Variants in FOXN3 observed in about 807,000 individuals in gnomAD.
The protein encoded by FOXN3 is forkhead box protein N3.
FOXN3 carries 7 observed loss-of-function variants against 38.4 expected under a neutral mutation model. That is an observed-to-expected ratio of 0.18 (90% CI 0.10 to 0.34). The LOEUF is 0.34. FOXN3 is among the 10% of genes least tolerant of loss of function. The probability of loss-of-function intolerance (pLI) is 1.00; values close to 1 mark genes in which losing one functional copy is unlikely to be tolerated. For missense variants in FOXN3, 456 were observed against 613.4 expected, an observed-to-expected ratio of 0.74 and a Z score of 2.71; for synonymous variants, 230 against 242.2, an observed-to-expected ratio of 0.95 and a Z score of 0.47.
intron 1 of FOXN3, among the ~76,000 whole-genome samples, chr14:89,528,785 T>C (rs1894492041): frequency 1.3e-5 from 2 of 152,132 alleles, no homozygotes; most frequent in Admixed American, 1.3e-4. Flanking sequence ...GATTCTATTA[T>C]ATAAAATTCT....
rs181464959 is a variant in FOXN3, at chr14:89,539,093, C to T, written c.-15+79935G>A. Among the ~76,000 whole-genome samples the T allele has an allele frequency of 5.1e-3, 769 of 152,250 alleles. 7 individuals are homozygous for T. The highest frequency in any genetic ancestry group is 0.044 in the Middle Eastern group (13 of 294). Reference sequence around the variant, plus strand: ...TCCTGACCTCATGATCCACCTGCCTCGGCCTCCCAAAGTGCTGGGATTACA... The same window carrying T: ...TCCTGACCTCATGATCCACCTGCCTTGGCCTCCCAAAGTGCTGGGATTACA... On this transcript the variant is annotated intron_variant, in intron 1 of 6. Transcript: ENST00000345097.
At chr14:89,207,626 T>C (rs181048677) in intron 4 of FOXN3, among the ~76,000 whole-genome samples, 2 of 152,172 alleles carry the variant, frequency 1.3e-5, no homozygotes, top group Admixed American at 1.3e-4. Context: ...GACTGCTGGG[T>C]GAAAAGTATA....
chr14:89,563,424 TGG>T (rs1432467699), intron 1 of FOXN3, among the ~76,000 whole-genome samples: 1 of 152,236 alleles, frequency 6.6e-6, no homozygotes, highest in East Asian at 1.9e-4. Context: ...AGATCCATGA[TGG>T]AAGACAGGTC....
intron 4 of FOXN3, among the ~76,000 whole-genome samples, chr14:89,225,409 C>T (rs1884605094): frequency 6.6e-6 from 1 of 151,782 alleles, no homozygotes. Flanking sequence ...TCGAGACCAT[C>T]CTGGCTGACA....
chr14:89,572,833 G>A (rs1272449533), intron 1 of FOXN3, among the ~76,000 whole-genome samples: 1 of 152,228 alleles, frequency 6.6e-6, no homozygotes, highest in African/African-American at 2.4e-5. Flanking sequence ...GGGAAGAAGG[G>A]GGAGCTGAAA....
At chr14:89,235,592 A>G (rs887790301) in intron 4 of FOXN3, among the ~76,000 whole-genome samples, 1 of 152,168 alleles carries the variant, frequency 6.6e-6, no homozygotes, top group African/African-American at 2.4e-5. Flanking sequence ...ACATGTGACT[A>G]TGTTAGATTT....
At chr14:89,492,249 C>G (rs1033314397) in intron 1 of FOXN3, among the ~76,000 whole-genome samples, 2 of 152,178 alleles carry the variant, frequency 1.3e-5, no homozygotes, top group Non-Finnish European at 2.9e-5. Context: ...GGGCCAAGCA[C>G]ACGTGGGATC....
upstream of FOXN3, among the ~76,000 whole-genome samples, chr14:89,422,068 C>T (rs997406629): frequency 6.6e-6 from 1 of 152,122 alleles, no homozygotes; most frequent in East Asian, 1.9e-4. Flanking sequence ...GATGGGGTCT[C>T]GCTATTTTGC....
chr14:89,616,521 A>ACCCCCCCCCCCCCCCCCCCCCC (rs1161046760), intron 1 of FOXN3, among the ~76,000 whole-genome samples: 8 of 137,890 alleles, frequency 5.8e-5, no homozygotes, highest in South Asian at 4.9e-4. Flanking sequence ...TCACTCCCCA[A>ACCCCCCCCCCCCCCCCCCCCCC]CCCCACCCCC....
At chr14:89,193,624 G>A (rs574217813) in intron 4 of FOXN3, among the ~76,000 whole-genome samples, 6 of 152,182 alleles carry the variant, frequency 3.9e-5, no homozygotes, top group Non-Finnish European at 5.9e-5. Context: ...CGGAAATACC[G>A]CAATCCATTC....
intron 1 of FOXN3, among the ~76,000 whole-genome samples, chr14:89,427,364 G>C (rs1481144476): frequency 7.9e-6 from 1 of 126,828 alleles, no homozygotes; most frequent in African/African-American, 3.0e-5. Context: ...AGAGTGCAGT[G>C]GTGCGATCTT....
At chr14:89,478,952 T>TAAAAAAAAAAAAAA (rs1893270351) in intron 1 of FOXN3, among the ~76,000 whole-genome samples, 1 of 46,690 alleles carries the variant, frequency 2.1e-5, no homozygotes. Flanking sequence ...AAAAAAAAAT[T>TAAAAAAAAAAAAAA]ACCACAACAC....
At chr14:89,490,818 C>T (rs1241516825) in intron 1 of FOXN3, among the ~76,000 whole-genome samples, 1 of 152,168 alleles carries the variant, frequency 6.6e-6, no homozygotes, top group Non-Finnish European at 1.5e-5. Flanking sequence ...GACAACTGGT[C>T]CACAATGTAT....
At chr14:89,181,606 T>C (rs554097722) in intron 4 of FOXN3, among the ~76,000 whole-genome samples, 96 of 152,218 alleles carry the variant, frequency 6.3e-4, no homozygotes, top group African/African-American at 2.2e-3. Context: ...AACACACGCA[T>C]CCCTGGAGCA....
At position 89,390,311 on chromosome 14, in the gene FOXN3, C is replaced by CTATA. The variant is rs34516037; in HGVS notation, c.543+21622_543+21623insTATA. On this transcript the variant is annotated intron_variant, in intron 2 of 5. Transcript: ENST00000557258. The stretch of plus-strand genomic sequence containing the variant: ...GTTCTCTTTCTCTCTCTCTCTCTCT[C>CTATA]TCTATATATATATAAATATTATCTA... 4.2e-4 allele frequency among the ~76,000 whole-genome samples: 58 copies of CTATA among 139,302 alleles called. 1 individual carries two copies. The highest frequency in any genetic ancestry group is 1.3e-3 in the Admixed American group (18 of 13,374). The allele number at this position is 139,302 out of a possible 152,430, so 91.4% of individuals were successfully genotyped here. A position where few individuals can be genotyped will look rare whatever the true frequency, so the allele number is the denominator to read the frequency against.
In FOXN3 at chr14:89,355,204, A is replaced by T. The variant is rs1306243448; in HGVS notation, c.544-4396T>A. On this transcript the variant is annotated intron_variant, in intron 2 of 5. Coordinates refer to ENST00000557258, the MANE Select transcript of FOXN3 (RefSeq NM_005197.4). The stretch of plus-strand genomic sequence containing the variant: ...GGAAGAAATGGTTAGCAAAAATGTA[A>T]AAAAAAAAAAAAAAAGTAATTTTTT... The T allele has an allele frequency of 6.9e-3, 263 of 37,874 alleles. 1 individual carries two copies. Among genetic ancestry groups the T allele is most frequent in the African/African-American group, 0.011 (244 of 21,306 alleles). 2.3% of individuals were successfully genotyped at this position (37,874 alleles called of 1,614,324 possible). A position where few individuals can be genotyped will look rare whatever the true frequency, so the allele number is the denominator to read the frequency against.
intron 1 of FOXN3, among the ~76,000 whole-genome samples, chr14:89,563,725 CTGTT>C (rs1895294488): frequency 6.6e-6 from 1 of 152,046 alleles, no homozygotes; most frequent in Non-Finnish European, 1.5e-5. Context: ...GAAAACAGAT[CTGTT>C]TGTTTGAGGG....
intron 5 of FOXN3, 127 bp downstream of exon 5, chr14:89,180,574 G>A (rs147834646): frequency 8.1e-4 from 471 of 582,222 alleles, no homozygotes; most frequent in African/African-American, 1.7e-3. Context: ...TTCTGAGCAC[G>A]CAAACCAGGT....
At position 89,159,306 on chromosome 14, in the gene FOXN3, A is replaced by G. The variant is rs1401820745; in HGVS notation, c.*3108T>C. ...TGAGCCATTGTTTTGGTTATGCATA[A>G]TGTGTATGCCTCCAAAAACAGAAGA... On this transcript the variant is annotated 3_prime_UTR_variant, in exon 6 of 6. Transcript: ENST00000557258. The G allele has an allele frequency of 6.6e-6, 1 of 152,624 alleles. No homozygotes were observed. The highest frequency in any genetic ancestry group is 2.4e-5 in the African/African-American group (1 of 41,446). 9.5% of individuals were successfully genotyped at this position (152,624 alleles called of 1,614,324 possible).
Sources: allele counts gnomAD v4.1 joint callset (sites outside exome capture counted in the v4.1 genomes callset), GRCh38; gene constraint gnomAD v4.1.1; transcripts MANE v1.5; gene names NCBI Gene and HGNC (gene_info 2026-07-23, HGNC 2026-07-21).